Variants in ZFPM2 observed in about 807,000 individuals in gnomAD.
ZFPM2 encodes zinc finger protein, FOG family member 2.
ZFPM2 carries 20 observed loss-of-function variants against 98.6 expected under a neutral mutation model. That is an observed-to-expected ratio of 0.20 (90% confidence interval 0.14 to 0.29). The LOEUF (loss-of-function observed/expected upper bound fraction) is 0.29, where lower values mean the gene tolerates loss of function less well. ZFPM2 is among the 10% of genes least tolerant of loss of function. The probability of loss-of-function intolerance (pLI) is 1.00; values close to 1 mark genes in which losing one functional copy is unlikely to be tolerated. For missense variants in ZFPM2, 1,310 were observed against 1,388.6 expected (o/e 0.94, Z 0.90); for synonymous variants, 518 against 502.7 (o/e 1.03, Z -0.41).
At chr8:105,723,192 A>G (rs536164534) in intron 5 of ZFPM2, among the ~76,000 whole-genome samples, 3 of 151,630 alleles carry the variant, frequency 2.0e-5, no homozygotes, top group Non-Finnish European at 4.4e-5. Context: ...CTTTCATGAT[A>G]TTCTTGATTG....
chr8:105,441,555 G>T (rs963291420), intron 2 of ZFPM2, among the ~76,000 whole-genome samples: 3 of 151,868 alleles, frequency 2.0e-5, no homozygotes, highest in African/African-American at 7.3e-5. Context: ...AGGATCCCTT[G>T]GTCACAAAGC....
In ZFPM2 at chr8:105,804,161, A is replaced by G. The variant is rs1814132693; in HGVS notation, c.*623A>G. ...TTCTTAATCCTGAACCTGTATGTTA[A>G]ATGAAGATGGCAATTTTTTTCTTGT... On this transcript the variant is annotated 3_prime_UTR_variant, in exon 8 of 8. Coordinates refer to ENST00000407775, the MANE Select transcript of ZFPM2 (RefSeq NM_012082.4). The G allele has an allele frequency of 6.6e-6, 1 of 152,634 alleles. No homozygotes were observed. The highest frequency in any genetic ancestry group is 2.1e-4 in the South Asian group (1 of 4,834). 9.5% of individuals were successfully genotyped at this position (152,634 alleles called of 1,614,324 possible). A position where few individuals can be genotyped will look rare whatever the true frequency, so the allele number is the denominator to read the frequency against.
At chr8:105,723,648 T>C (rs1239995283) in intron 5 of ZFPM2, among the ~76,000 whole-genome samples, 1 of 151,738 alleles carries the variant, frequency 6.6e-6, no homozygotes, top group Non-Finnish European at 1.5e-5. Flanking sequence ...TGTTGTACAG[T>C]CAAGAGACTG....
rs969296678 is a variant in ZFPM2 at position 105,321,332 on chromosome 8, A to G, written c.40+2351A>G. On this transcript the variant is annotated intron_variant, in intron 1 of 7. Coordinates refer to ENST00000407775, the MANE Select transcript of ZFPM2 (RefSeq NM_012082.4). ...GTGCGTAAGAAGTGCACCATTTTCT[A>G]TTACAAACAACACTGTTACTTTTGA... Among the ~76,000 whole-genome samples, 14 of 152,224 alleles carry G rather than the reference A, an allele frequency of 9.2e-5. No homozygotes were observed. The South Asian group carries it at 1.2e-3, about 14-fold the overall frequency.
rs201644250 is a variant in ZFPM2 at position 105,803,017 on chromosome 8, G to T, written c.2935G>T (p.Asp979Tyr). The T allele has an allele frequency of 6.2e-7, 1 of 1,612,910 alleles. No individual in the cohort carries two copies. Among genetic ancestry groups the T allele is most frequent in the South Asian group, 1.1e-5 (1 of 90,890 alleles). Residue 979 changes from aspartate (D) to tyrosine (Y), a missense_variant, in exon 8 of 8, where the codon GAC (aspartate) becomes TAC (tyrosine). Asp to Tyr is a radical substitution (Grantham distance 160). Transcript: ENST00000407775. ...AGCAATAAAGAAAGCAAAAGGAGCC[G>T]ACCAGCTTTCTCCATATTATGGAAT... is the stretch of plus-strand genomic sequence containing the variant. Reference protein sequence around the residue: ...PGAIKKAKGADQLSPYYGIKP... With the variant: ...PGAIKKAKGAYQLSPYYGIKP...
intron 6 of ZFPM2, among the ~76,000 whole-genome samples, chr8:105,792,152 T>C (rs1813634413): frequency 6.6e-6 from 1 of 152,220 alleles, no homozygotes; most frequent in Non-Finnish European, 1.5e-5. Flanking sequence ...TGTTTGCTCT[T>C]GCTTTTCTAG....
intron 5 of ZFPM2, among the ~76,000 whole-genome samples, chr8:105,713,789 A>C (rs574252499): frequency 6.6e-6 from 1 of 151,876 alleles, no homozygotes; most frequent in African/African-American, 2.4e-5. Context: ...CTTTATTCCC[A>C]GGTTCTCTAT....
intron 1 of ZFPM2, among the ~76,000 whole-genome samples, chr8:105,337,118 T>G (rs1812341042): frequency 6.6e-6 from 1 of 151,720 alleles, no homozygotes; most frequent in Non-Finnish European, 1.5e-5. Context: ...CATACTTTAT[T>G]AGGACAATCC....
At chr8:105,593,951 C>G (rs1336425741) in intron 4 of ZFPM2, among the ~76,000 whole-genome samples, 2 of 152,138 alleles carry the variant, frequency 1.3e-5, no homozygotes, top group Non-Finnish European at 2.9e-5. Flanking sequence ...TCATTATGGC[C>G]TGGAGTCTTA....
At chr8:105,555,863 G>T (rs2130679963) in intron 3 of ZFPM2, among the ~76,000 whole-genome samples, 1 of 152,244 alleles carries the variant, frequency 6.6e-6, no homozygotes, top group East Asian at 1.9e-4. Flanking sequence ...CCAGATAGCG[G>T]GAACCATTCT....
chr8:105,525,242 T>C (rs1382911938), intron 3 of ZFPM2, among the ~76,000 whole-genome samples: 1 of 152,200 alleles, frequency 6.6e-6, no homozygotes, highest in East Asian at 1.9e-4. Flanking sequence ...AGTCTTTGGC[T>C]CTTGTTCCGT....
At chr8:105,428,753 G>A (rs1448403495) in intron 2 of ZFPM2, among the ~76,000 whole-genome samples, 1 of 152,118 alleles carries the variant, frequency 6.6e-6, no homozygotes, top group Non-Finnish European at 1.5e-5. Flanking sequence ...AGGGGAAAAG[G>A]GCATTGTTTG....
chr8:105,443,636 C>G (rs1812311101), intron 2 of ZFPM2, among the ~76,000 whole-genome samples: 1 of 151,956 alleles, frequency 6.6e-6, no homozygotes, highest in Non-Finnish European at 1.5e-5. Context: ...ATGTTACTGC[C>G]TTTTTAATGT....
At chr8:105,435,746 T>C (rs1812107094) in intron 2 of ZFPM2, among the ~76,000 whole-genome samples, 1 of 152,174 alleles carries the variant, frequency 6.6e-6, no homozygotes, top group African/African-American at 2.4e-5. Flanking sequence ...AAAATTGTAT[T>C]TATAACTTTT....
rs773023421 is a variant in ZFPM2 at position 105,617,020 on chromosome 8, G to GAAAAAAAAAAAA, written c.421-17197_421-17186dup. On this transcript the variant is annotated intron_variant, in intron 4 of 7. Transcript: ENST00000407775. ...GGACTACTGAGCAAGACTCTGTCTC[G>GAAAAAAAAAAAA]AAAAAAAAAAAAAAAAAAAAAAAAA... 6.8e-4 allele frequency among the ~76,000 whole-genome samples: 19 copies of GAAAAAAAAAAAA among 28,132 alleles called. 4 individuals carry two copies. The highest frequency in any genetic ancestry group is 7.5e-4 in the African/African-American group (5 of 6,688). The allele number at this position is 28,132 out of a possible 152,430, so 18.5% of individuals were successfully genotyped here. A position where few individuals can be genotyped will look rare whatever the true frequency, so the allele number is the denominator to read the frequency against.
chr8:105,765,597 C>T (rs1812837898), intron 5 of ZFPM2, among the ~76,000 whole-genome samples: 1 of 151,828 alleles, frequency 6.6e-6, no homozygotes, highest in African/African-American at 2.4e-5. Flanking sequence ...CGAAGAGAAG[C>T]ATGCCCTTCT....
intron 4 of ZFPM2, among the ~76,000 whole-genome samples, chr8:105,592,878 A>C (rs1586485573): frequency 6.6e-6 from 1 of 152,166 alleles, no homozygotes; most frequent in Admixed American, 6.5e-5. Context: ...TGAAATGCAG[A>C]AATGATTAGA....
At chr8:105,479,624 A>C (rs1813078862) in intron 3 of ZFPM2, among the ~76,000 whole-genome samples, 1 of 152,242 alleles carries the variant, frequency 6.6e-6, no homozygotes, top group Non-Finnish European at 1.5e-5. Context: ...GCCATTATAA[A>C]CAAGGAGGAA....
intron 3 of ZFPM2, among the ~76,000 whole-genome samples, chr8:105,506,033 A>G (rs1233892748): frequency 1.3e-5 from 2 of 152,188 alleles, no homozygotes. Flanking sequence ...CCCAAAGTCA[A>G]GTGTAAAGAA....
Sources: allele counts gnomAD v4.1 joint callset (sites outside exome capture counted in the v4.1 genomes callset), GRCh38; gene constraint gnomAD v4.1.1; transcripts MANE v1.5; gene names NCBI Gene and HGNC (gene_info 2026-07-23, HGNC 2026-07-21).